Variants in AKAP6 observed in about 807,000 individuals in gnomAD.
The protein encoded by AKAP6 is A-kinase anchoring protein 6, also known as A-kinase anchor protein 6.
In AKAP6, 58 loss-of-function variants were observed where a neutral mutation model predicts 188.5. The observed-to-expected ratio is 0.31, with a 90% CI of 0.25 to 0.38. AKAP6 has a LOEUF of 0.38. AKAP6 is among the 10% of genes least tolerant of loss of function. The pLI is 1.00. For missense variants in AKAP6, 2,710 were observed against 2,740.0 expected (o/e 0.99, Z 0.24); for synonymous variants, 989 against 998.6 (o/e 0.99, Z 0.18).
At chr14:32,726,939 A>C (rs2030903033) in intron 9 of AKAP6, among the ~76,000 whole-genome samples, 1 of 152,274 alleles carries the variant, frequency 6.6e-6, no homozygotes, top group African/African-American at 2.4e-5. Context: ...AAACAGTGGG[A>C]CTGCTGGGAA....
intron 9 of AKAP6, among the ~76,000 whole-genome samples, chr14:32,700,505 G>T (rs1890577733): frequency 6.6e-6 from 1 of 152,114 alleles, no homozygotes; most frequent in African/African-American, 2.4e-5. Flanking sequence ...ATAGTCATGG[G>T]CTGCATAACA....
chr14:32,678,814 A>G (rs1036336766), intron 8 of AKAP6, among the ~76,000 whole-genome samples: 1 of 152,178 alleles, frequency 6.6e-6, no homozygotes, highest in Non-Finnish European at 1.5e-5. Context: ...TTTAAAGCCT[A>G]TTTAAGGACT....
At chr14:32,463,698 G>A (rs1181626849) in intron 2 of AKAP6, among the ~76,000 whole-genome samples, 4 of 152,062 alleles carry the variant, frequency 2.6e-5, no homozygotes, top group Non-Finnish European at 4.4e-5. Context: ...AACTAGAGAA[G>A]CAAGAACAAA....
At chr14:32,806,348 T>C (rs1019685134) in intron 12 of AKAP6, among the ~76,000 whole-genome samples, 16 of 152,212 alleles carry the variant, frequency 1.1e-4, no homozygotes, top group Non-Finnish European at 2.2e-4. Context: ...ATTCACCTTT[T>C]TATCTGCTCA....
intron 11 of AKAP6, among the ~76,000 whole-genome samples, chr14:32,737,266 A>G (rs1446498454): frequency 6.6e-6 from 1 of 152,122 alleles, no homozygotes; most frequent in Non-Finnish European, 1.5e-5. Flanking sequence ...ATTGTTTTTA[A>G]AGAAAATTTT....
chr14:32,825,012 A>T (rs2034640375), intron 13 of AKAP6, among the ~76,000 whole-genome samples, 197 bp downstream of exon 13: 1 of 152,174 alleles, frequency 6.6e-6, no homozygotes, highest in African/African-American at 2.4e-5. Context: ...GAAAATTGAC[A>T]TTCTTAGTGA....
In AKAP6 at chr14:32,658,259, T is replaced by C. The variant is rs532556214; in HGVS notation, c.2731-20052T>C. Among the ~76,000 whole-genome samples, 4 of 152,252 alleles carry C rather than the reference T, an allele frequency of 2.6e-5. No homozygotes were observed. In the South Asian group the frequency reaches 6.2e-4, roughly 24 times the overall value. Reference sequence around the variant, plus strand: ...AAGTCTCCTGCCTTGCAAATGATCATTGAGAGATTACAATGTAACTCCTGT... The same window carrying C: ...AAGTCTCCTGCCTTGCAAATGATCACTGAGAGATTACAATGTAACTCCTGT... On this transcript the variant is annotated intron_variant, in intron 7 of 13. Coordinates refer to ENST00000280979, the MANE Select transcript of AKAP6 (RefSeq NM_004274.5).
intron 2 of AKAP6, among the ~76,000 whole-genome samples, chr14:32,500,707 G>A (rs1306847788): frequency 6.6e-6 from 1 of 152,082 alleles, no homozygotes; most frequent in Non-Finnish European, 1.5e-5. Flanking sequence ...TATCAAAAGG[G>A]CTGTGTATTC....
intron 7 of AKAP6, among the ~76,000 whole-genome samples, chr14:32,644,511 AG>A (rs1887900379): frequency 6.6e-6 from 1 of 152,174 alleles, no homozygotes; most frequent in African/African-American, 2.4e-5. Flanking sequence ...GTTTGTTTCT[AG>A]GATGTTCCTG....
chr14:32,609,856 G>GTC (rs112327950), intron 7 of AKAP6, among the ~76,000 whole-genome samples: 37 of 137,038 alleles, frequency 2.7e-4, no homozygotes, highest in South Asian at 7.2e-4. Context: ...TATTCATGAG[G>GTC]TCTCTCTCTC....
At chr14:32,591,801 C>T (rs1310275322) in intron 5 of AKAP6, among the ~76,000 whole-genome samples, 1 of 152,106 alleles carries the variant, frequency 6.6e-6, no homozygotes, top group Non-Finnish European at 1.5e-5. Context: ...ATTGTCATAA[C>T]TGATAAATCA....
At chr14:32,744,182 T>C (rs1289155233) in intron 11 of AKAP6, among the ~76,000 whole-genome samples, 1 of 152,234 alleles carries the variant, frequency 6.6e-6, no homozygotes, top group Non-Finnish European at 1.5e-5. Context: ...GTTATTTGCT[T>C]CTTTTCTCTT....
At chr14:32,334,433 TATCATAATGCC>T (rs2138392137) in intron 1 of AKAP6, among the ~76,000 whole-genome samples, 1 of 152,292 alleles carries the variant, frequency 6.6e-6, no homozygotes, top group Admixed American at 6.5e-5. Flanking sequence ...ACTATCTCGC[TATCATAATGCC>T]CATGTTCAAA....
chr14:32,518,037 A>C (rs1452479199), intron 2 of AKAP6, among the ~76,000 whole-genome samples: 1 of 152,240 alleles, frequency 6.6e-6, no homozygotes, highest in Non-Finnish European at 1.5e-5. Flanking sequence ...ACCGTTCTGC[A>C]ACATTTGCTG....
At chr14:32,493,233 G>T (rs1212502940) in intron 2 of AKAP6, among the ~76,000 whole-genome samples, 1 of 151,974 alleles carries the variant, frequency 6.6e-6, no homozygotes, top group Non-Finnish European at 1.5e-5. Flanking sequence ...TTGAGACAGG[G>T]TCTCTCTCTG....
chr14:32,547,632 A>G (rs1255756050), intron 4 of AKAP6, among the ~76,000 whole-genome samples: 1 of 152,126 alleles, frequency 6.6e-6, no homozygotes, highest in Non-Finnish European at 1.5e-5. Flanking sequence ...ATGTTTGAGG[A>G]CAGACTTATC....
Position 32,385,619 on chromosome 14 carries a change from G to A in AKAP6, c.-34-47841G>A, listed in dbSNP as rs1017013916. Among the ~76,000 whole-genome samples, 15 of 150,724 alleles carry A rather than the reference G, an allele frequency of 1.0e-4. 1 individual carries two copies. The highest frequency in any genetic ancestry group is 7.4e-5 in the Non-Finnish European group (5 of 67,754). On this transcript the variant is annotated intron_variant, in intron 1 of 13. Coordinates refer to ENST00000280979, the MANE Select transcript of AKAP6 (RefSeq NM_004274.5). ...TGTGTCATTCTTATGCCTTTGCATC[G>A]TCATAGCTTTGCACTCACTTATGAG...
Position 32,600,617 on chromosome 14 carries a change from C to G in AKAP6, c.2567-12C>G. The G allele has an allele frequency of 6.3e-7, 1 of 1,595,578 alleles. No individual in the cohort carries two copies. Among genetic ancestry groups the G allele is most frequent in the Non-Finnish European group, 8.5e-7 (1 of 1,169,866 alleles). On this transcript the variant is annotated splice_polypyrimidine_tract_variant and intron_variant, in intron 6 of 13. Transcript: ENST00000280979. ...GGCCCACAACTTCTGCTTTCCCCTCCTTTTGGAGAAGGACTGAAGGACATG... is the reference window on the plus strand; with the variant it reads ...GGCCCACAACTTCTGCTTTCCCCTCGTTTTGGAGAAGGACTGAAGGACATG...
At chr14:32,557,640 A>C (rs989957111) in intron 4 of AKAP6, among the ~76,000 whole-genome samples, 7 of 152,272 alleles carry the variant, frequency 4.6e-5, no homozygotes, top group Admixed American at 2.6e-4. Flanking sequence ...GGATGTTGAT[A>C]ATGATCTCTT....
Sources: allele counts gnomAD v4.1 joint callset (sites outside exome capture counted in the v4.1 genomes callset), GRCh38; gene constraint gnomAD v4.1.1; transcripts MANE v1.5; gene names NCBI Gene and HGNC (gene_info 2026-07-23, HGNC 2026-07-21).